Variants in TRPV4 observed in about 807,000 individuals in gnomAD.
TRPV4 encodes the protein transient receptor potential cation channel subfamily V member 4.
TRPV4 carries 58 observed loss-of-function variants against 84.1 expected under a neutral mutation model. The ratio of observed to expected loss-of-function variants is 0.69; its 90% confidence interval spans 0.56 to 0.86. The LOEUF is 0.86. Ranked by LOEUF, TRPV4 falls within the 40% of genes least tolerant of loss-of-function variation. TRPV4 has a pLI of 0.00. For synonymous variants in TRPV4, 489 were observed against 500.9 expected (o/e 0.98, Z 0.32); for missense variants, 879 against 1,181.1 (o/e 0.74, Z 3.75).
Position 109,788,715 on chromosome 12 carries a change from G to A in TRPV4, c.1893C>T (p.Ala631=), listed in dbSNP as rs1337707126. The change falls in exon 13 of 16, where the codon GCC becomes GCT. Residue 631 remains alanine (A), a splice_region_variant and synonymous_variant. Transcript: ENST00000261740. ...CACACGGGTTCAGGAGGGAGACCAG[G>A]GCTGTGGGAGGATAGGGGTGGCACT... The part of the protein sequence containing the change: ...YLLFMIGYAS[A]LVSLLNPCAN... The A allele has an allele frequency of 5.0e-6, 8 of 1,613,958 alleles. No homozygotes were observed. Among genetic ancestry groups the A allele is most frequent in the East Asian group, 2.2e-5 (1 of 44,888 alleles).
intron 13 of TRPV4, 122 bp downstream of exon 13, chr12:109,788,278 T>C: frequency 2.1e-6 from 2 of 946,790 alleles, no homozygotes; most frequent in South Asian, 1.6e-5. Context: ...GACAGAGAAG[T>C]GGAGGGAGAA....
rs768558199 is a variant in TRPV4, at chr12:109,792,243, CA to C, written c.1891+119del. On this transcript the variant is annotated intron_variant, in intron 12 of 15. Coordinates refer to ENST00000261740, the MANE Select transcript of TRPV4 (RefSeq NM_021625.5). ...GGGCAACAGGAGCAAAACTCCACCT[CA>C]AAAAAAAAAAAAAAAAAAAAAGAAC... is the stretch of plus-strand genomic sequence containing the variant. The C allele has an allele frequency of 0.14, 52,567 of 371,540 alleles. 6 individuals carry two copies. The highest frequency in any genetic ancestry group is 0.16 in the East Asian group (2,419 of 14,710). 23.0% of individuals were successfully genotyped at this position (371,540 alleles called of 1,614,324 possible).
At chr12:109,785,140 G>GC (rs1255186357) in intron 14 of TRPV4, among the ~76,000 whole-genome samples, 3 of 151,942 alleles carry the variant, frequency 2.0e-5, no homozygotes, top group Non-Finnish European at 4.4e-5. Flanking sequence ...GCCCACTTCA[G>GC]CCCCCCATGT....
At chr12:109,806,939 T>G (rs538993435) in intron 3 of TRPV4, among the ~76,000 whole-genome samples, 5 of 150,796 alleles carry the variant, frequency 3.3e-5, no homozygotes, top group African/African-American at 1.2e-4. Context: ...TTGTTCACCC[T>G]GTTTGGGAAC....
intron 2 of TRPV4, among the ~76,000 whole-genome samples, chr12:109,808,887 A>G (rs757954543): frequency 6.8e-6 from 1 of 147,168 alleles, no homozygotes; most frequent in African/African-American, 2.5e-5. Flanking sequence ...CCATCCAACC[A>G]TCACTCATCC....
At position 109,798,462 on chromosome 12, in the gene TRPV4, C is replaced by T. The variant is rs1182687690; in HGVS notation, c.1152+152G>A. On this transcript the variant is annotated intron_variant, in intron 6 of 15. Coordinates refer to ENST00000261740, the MANE Select transcript of TRPV4 (RefSeq NM_021625.5). The surrounding 1 kb of genome is among the most constrained non-coding windows in gnomAD (Gnocchi z 5.0). ...TTGGCTGGACACTAGGGAGCCATAG[C>T]AGGTTCTTGAGCTGGGACATCTGCA... The T allele has an allele frequency of 1.0e-6, 1 of 958,996 alleles. No individual in the cohort carries two copies. The highest frequency in any genetic ancestry group is 1.6e-5 in the African/African-American group (1 of 62,184). The allele number at this position is 958,996 out of a possible 1,614,324, so 59.4% of individuals were successfully genotyped here.
At chr12:109,788,813 T>G in intron 12 of TRPV4, 97 bp from the exon 13 acceptor site, 2 of 1,433,776 alleles carry the variant, frequency 1.4e-6, no homozygotes, top group Non-Finnish European at 1.9e-6. Context: ...AGCTGAGGCC[T>G]AGTGAGCGGA....
Position 109,783,251 on chromosome 12 carries a change from T to C in TRPV4, c.*370A>G, listed in dbSNP as rs1391437136. On this transcript the variant is annotated 3_prime_UTR_variant, in exon 16 of 16. Transcript: ENST00000261740. This position sits in a 1 kb window ranked among gnomAD's most constrained non-coding sequence, Gnocchi z 4.6. ...TCAGGCGCAGGCTGAGGCTGGGGCT[T>C]GGCCGGGCAGTGCACTTGGAACGGG... 1 of 228,114 alleles carries C rather than the reference T, an allele frequency of 4.4e-6. No individual in the cohort carries two copies. Among genetic ancestry groups the C allele is most frequent in the African/African-American group, 2.3e-5 (1 of 43,932 alleles). The allele number at this position is 228,114 out of a possible 1,614,324, so 14.1% of individuals were successfully genotyped here. A position where few individuals can be genotyped will look rare whatever the true frequency, so the allele number is the denominator to read the frequency against.
chr12:109,809,317 C>A (rs971657605), intron 2 of TRPV4, among the ~76,000 whole-genome samples: 2 of 150,376 alleles, frequency 1.3e-5, no homozygotes, highest in Admixed American at 6.6e-5. Flanking sequence ...ATCCATCCAT[C>A]CCTCATCCAT....
intron 7 of TRPV4, among the ~76,000 whole-genome samples, chr12:109,795,803 A>C (rs977211694): frequency 1.3e-5 from 2 of 152,200 alleles, no homozygotes; most frequent in Non-Finnish European, 2.9e-5. Context: ...GCTGGAGTGC[A>C]GTGGCATGAT....
At position 109,796,682 on chromosome 12, in the gene TRPV4, C is replaced by G. The variant is rs770364304; in HGVS notation, c.1175G>C (p.Arg392Pro). The part of the protein sequence containing the change: ...KIGIFQHIIR[R>P]EVTDEDTRHL... ...CCGTGTGTCCTCATCCGTCACCTCC[C>G]GCCGGATGATGTGCTGAAAGATCTG... Residue 392 changes from arginine to proline, a missense_variant, in exon 7 of 16, where the codon CGG (arginine) becomes CCG (proline). This residue lies in a region of TRPV4 where 521 missense variants were observed against 686.6 expected (regional missense o/e 0.76). Transcript: ENST00000261740. This position sits in a 1 kb window ranked among gnomAD's most constrained non-coding sequence, Gnocchi z 4.2. The G allele has an allele frequency of 5.6e-6, 9 of 1,613,124 alleles. No individual in the cohort carries two copies. The highest frequency in any genetic ancestry group is 7.6e-6 in the Non-Finnish European group (9 of 1,179,214).
intron 3 of TRPV4, among the ~76,000 whole-genome samples, chr12:109,803,595 A>T (rs1386061684): frequency 6.6e-6 from 1 of 151,390 alleles, no homozygotes; most frequent in African/African-American, 2.4e-5. Context: ...CTAAGACTAC[A>T]GGTGTGCACC....
In TRPV4 at chr12:109,798,220, G is replaced by T. The variant is rs1397249111; in HGVS notation, c.1152+394C>A. Among the ~76,000 whole-genome samples, 1 of 152,216 alleles carries T rather than the reference G, an allele frequency of 6.6e-6. No individual in the cohort carries two copies. Among genetic ancestry groups the T allele is most frequent in the Non-Finnish European group, 1.5e-5 (1 of 68,056 alleles). On this transcript the variant is annotated intron_variant, in intron 6 of 15. Coordinates refer to ENST00000261740, the MANE Select transcript of TRPV4 (RefSeq NM_021625.5). This position sits in a 1 kb window ranked among gnomAD's most constrained non-coding sequence, Gnocchi z 5.0. ...TGCCGCCCAAAATAATCATGCTGAA[G>T]TTGAGAAACCCTTCTCCAGGCCCCA...
chr12:109,808,375 C>A lies in TRPV4; in HGVS notation c.480G>T (p.Arg160=). ...GCCCGTCCAGGTCAGCAGTGGAGCC[C>A]CGGGACACGATGTCAAAGAGGATAG... is the stretch of plus-strand genomic sequence containing the variant. The part of the protein sequence containing the change: ...NRPILFDIVS[R]GSTADLDGLL... Residue 160 remains arginine (R), a synonymous_variant, in exon 3 of 16, where the codon CGG becomes CGT. Coordinates refer to ENST00000261740, the MANE Select transcript of TRPV4 (RefSeq NM_021625.5). The A allele has an allele frequency of 6.2e-7, 1 of 1,614,178 alleles. No homozygotes were observed. Among genetic ancestry groups the A allele is most frequent in the Non-Finnish European group, 8.5e-7 (1 of 1,180,020 alleles).
At chr12:109,825,561 G>A (rs1391395275) in intron 1 of TRPV4, among the ~76,000 whole-genome samples, 3 of 152,064 alleles carry the variant, frequency 2.0e-5, no homozygotes, top group South Asian at 2.1e-4. Flanking sequence ...CAGACTTCCC[G>A]GCTCCAAAAC....
rs749805486 is a variant in TRPV4, at chr12:109,800,723, A to G, written c.748T>C (p.Cys250Arg). 4.3e-6 allele frequency: 7 copies of G among 1,613,830 alleles called. No individual in the cohort carries two copies. The African/African-American group carries it at 5.3e-5, about 12-fold the overall frequency. The change falls in exon 5 of 16, where the codon TGC (cysteine) becomes CGC (arginine). Residue 250 changes from cysteine (C) to arginine (R), a missense_variant. Coordinates refer to ENST00000261740, the MANE Select transcript of TRPV4 (RefSeq NM_021625.5). ...TALHIAIERR[C>R]KHYVELLVAQ... is the part of the protein sequence containing the mutation. The stretch of plus-strand genomic sequence containing the variant: ...ACGAGAAGTTCCACGTAGTGTTTGC[A>G]GCGACGCTCAATGGCGATGTGCAGG...
chr12:109,802,166 G>C (rs1890827116), intron 4 of TRPV4, among the ~76,000 whole-genome samples: 1 of 144,840 alleles, frequency 6.9e-6, no homozygotes, highest in Non-Finnish European at 1.5e-5. Context: ...GTCTCACTCT[G>C]TCACCCAGGC....
intron 12 of TRPV4, among the ~76,000 whole-genome samples, chr12:109,789,094 C>T (rs945838251): frequency 6.6e-6 from 1 of 152,146 alleles, no homozygotes; most frequent in East Asian, 1.9e-4. Context: ...GACAGTTCAC[C>T]CCTCCTTACA....
rs369230668 is a variant in TRPV4, at chr12:109,792,340, C to T, written c.1891+23G>A. 36 of 1,612,098 alleles carry T rather than the reference C, an allele frequency of 2.2e-5. No individual in the cohort carries two copies. In the African/African-American group the frequency reaches 4.5e-4, roughly 20 times the overall value. ...CGTCCTTGCACCACCCCTGCCAGGA[C>T]CACCTGAGCACCCAGAGCTCACCTG... On this transcript the variant is annotated intron_variant, in intron 12 of 15. Transcript: ENST00000261740.
Sources: gnomAD v4.1 joint callset for allele counts (sites outside exome capture counted in the v4.1 genomes callset) on GRCh38, gnomAD v4.1.1 for gene constraint, gnomAD v4.1.1 regional missense constraint, Gnocchi (gnomAD v3.1) non-coding constraint, MANE v1.5 for transcripts, NCBI Gene and HGNC (gene_info 2026-07-23, HGNC 2026-07-21) for gene names.